The following ST6GALNAC3 variants were observed in gnomAD, a reference collection of about 807,000 sequenced individuals.
The protein encoded by ST6GALNAC3 is alpha-N-acetylgalactosaminide alpha-2,6-sialyltransferase 3.
ST6GALNAC3 carries 25 observed loss-of-function variants against 32.7 expected under a neutral mutation model. The observed-to-expected ratio is 0.76, with a 90% CI of 0.56 to 1.07. The LOEUF is 1.07. Among genes scored for constraint, ST6GALNAC3 ranks in the 50% least tolerant of loss-of-function variants. ST6GALNAC3 has a pLI of 0.00. For missense variants in ST6GALNAC3, 355 were observed against 382.4 expected (o/e 0.93, Z 0.60); for synonymous variants, 129 against 133.1 (o/e 0.97, Z 0.21).
At chr1:76,330,497 C>T (rs1475174473) in intron 2 of ST6GALNAC3, among the ~76,000 whole-genome samples, 1 of 152,192 alleles carries the variant, frequency 6.6e-6, no homozygotes, top group Non-Finnish European at 1.5e-5. Flanking sequence ...TGTCTTCTGA[C>T]ATCAAATGTC....
chr1:76,568,046 A>T (rs1279656169), intron 3 of ST6GALNAC3, among the ~76,000 whole-genome samples: 1 of 152,238 alleles, frequency 6.6e-6, no homozygotes, highest in East Asian at 1.9e-4. Flanking sequence ...AACACTTTAA[A>T]CTTAAGATGG....
intron 1 of ST6GALNAC3, among the ~76,000 whole-genome samples, chr1:76,186,262 G>A (rs879707754): frequency 6.6e-6 from 1 of 152,164 alleles, no homozygotes; most frequent in Admixed American, 6.5e-5. Flanking sequence ...ACACCCTGGA[G>A]TTTCTCCATA....
chr1:76,434,339 A>T (rs1176077313), intron 3 of ST6GALNAC3, among the ~76,000 whole-genome samples: 2 of 152,234 alleles, frequency 1.3e-5, no homozygotes, highest in South Asian at 2.1e-4. Flanking sequence ...CATGACTATA[A>T]ACTGTCATGT....
At chr1:76,195,403 C>T (rs1318375036) in intron 1 of ST6GALNAC3, among the ~76,000 whole-genome samples, 2 of 152,320 alleles carry the variant, frequency 1.3e-5, no homozygotes, top group Non-Finnish European at 1.5e-5. Context: ...TACATTTTCC[C>T]ATTTCATCAC....
At chr1:76,459,290 C>A (rs1020234894) in intron 3 of ST6GALNAC3, among the ~76,000 whole-genome samples, 3 of 152,150 alleles carry the variant, frequency 2.0e-5, no homozygotes, top group Admixed American at 6.5e-5. Flanking sequence ...ATAGAATTGG[C>A]ATGGTGTCTC....
chr1:76,272,574 C>T (rs1333309747), intron 1 of ST6GALNAC3, among the ~76,000 whole-genome samples: 1 of 152,146 alleles, frequency 6.6e-6, no homozygotes, highest in Non-Finnish European at 1.5e-5. Flanking sequence ...CCATGAACAG[C>T]TTTTCCTCCT....
downstream of ST6GALNAC3, among the ~76,000 whole-genome samples, chr1:76,635,225 C>A (rs1049253075): frequency 1.3e-5 from 2 of 152,090 alleles, no homozygotes; most frequent in Non-Finnish European, 2.9e-5. Context: ...CTCTTATTTT[C>A]TTTCTGCAAA....
At chr1:76,323,503 C>G (rs561393430) in intron 2 of ST6GALNAC3, among the ~76,000 whole-genome samples, 1 of 152,166 alleles carries the variant, frequency 6.6e-6, no homozygotes, top group Non-Finnish European at 1.5e-5. Flanking sequence ...CAACAAATTC[C>G]TTTAAATGGT....
intron 3 of ST6GALNAC3, among the ~76,000 whole-genome samples, chr1:76,417,451 A>G (rs1654725286): frequency 6.6e-6 from 1 of 152,050 alleles, no homozygotes; most frequent in African/African-American, 2.4e-5. Flanking sequence ...ACATTTACAC[A>G]TTTGCATTAA....
chr1:76,131,127 G>A (rs1233184310), intron 1 of ST6GALNAC3, among the ~76,000 whole-genome samples: 1 of 152,230 alleles, frequency 6.6e-6, no homozygotes, highest in African/African-American at 2.4e-5. Context: ...GCCAGGGGCT[G>A]TAACTTCTAT....
chr1:76,222,726 A>G (rs1443835723), intron 1 of ST6GALNAC3, among the ~76,000 whole-genome samples: 2 of 152,206 alleles, frequency 1.3e-5, no homozygotes, highest in African/African-American at 2.4e-5. Flanking sequence ...CAGCCCCTCT[A>G]GAAAGTGAGC....
chr1:76,115,001 A>G (rs1259845038), intron 1 of ST6GALNAC3, among the ~76,000 whole-genome samples: 3 of 152,178 alleles, frequency 2.0e-5, no homozygotes, highest in African/African-American at 4.8e-5. Context: ...AAGATATCAT[A>G]AAGAGAGTCC....
chr1:76,540,991 C>G (rs1461036350), intron 3 of ST6GALNAC3, among the ~76,000 whole-genome samples: 1 of 152,010 alleles, frequency 6.6e-6, no homozygotes, highest in African/African-American at 2.4e-5. Context: ...TAGAAAGGGA[C>G]CCCTAAGTAA....
At chr1:76,476,215 A>C (rs1410290840) in intron 3 of ST6GALNAC3, among the ~76,000 whole-genome samples, 1 of 152,186 alleles carries the variant, frequency 6.6e-6, no homozygotes, top group Non-Finnish European at 1.5e-5. Flanking sequence ...CAATGTTCTA[A>C]TGCAGAAGGC....
intron 1 of ST6GALNAC3, among the ~76,000 whole-genome samples, chr1:76,312,648 CAGA>C (rs1646788536): frequency 6.6e-6 from 1 of 152,132 alleles, no homozygotes. Context: ...AGACATTTCT[CAGA>C]AGAAGACATT....
chr1:76,605,861 T>TAAAAA (rs1159864958), intron 3 of ST6GALNAC3, among the ~76,000 whole-genome samples: 1,894 of 58,870 alleles, frequency 0.032, 413 homozygotes, highest in African/African-American at 0.035. Flanking sequence ...GGAGACTCCA[T>TAAAAA]AAAAAAAAAA....
intron 3 of ST6GALNAC3, among the ~76,000 whole-genome samples, chr1:76,544,591 C>A (rs547895245): frequency 1.3e-5 from 2 of 152,132 alleles, no homozygotes; most frequent in Non-Finnish European, 2.9e-5. Flanking sequence ...ATTTAATACA[C>A]CATTTACTGA....
intron 1 of ST6GALNAC3, among the ~76,000 whole-genome samples, chr1:76,176,350 G>T (rs1367722139): frequency 6.6e-6 from 1 of 152,200 alleles, no homozygotes; most frequent in East Asian, 1.9e-4. Flanking sequence ...CCTGCTCATT[G>T]CTGGAAGGTC....
intron 3 of ST6GALNAC3, among the ~76,000 whole-genome samples, chr1:76,521,528 C>T (rs1165354078): frequency 6.6e-6 from 1 of 152,008 alleles, no homozygotes; most frequent in Non-Finnish European, 1.5e-5. Flanking sequence ...CTTATATTCA[C>T]TTATGTTTAC....
Sources: allele counts gnomAD v4.1 joint callset (sites outside exome capture counted in the v4.1 genomes callset), GRCh38; gene constraint gnomAD v4.1.1; transcripts MANE v1.5; gene names NCBI Gene and HGNC (gene_info 2026-07-23, HGNC 2026-07-21).